The following ARVCF variants were observed in gnomAD, a reference collection of about 807,000 sequenced individuals.
ARVCF encodes the protein splicing regulator ARVCF.
Under a neutral mutation model 90.9 loss-of-function variants are expected in ARVCF, and 66 were observed. That is an observed-to-expected ratio of 0.73 (90% CI 0.60 to 0.89). The LOEUF is 0.89. Among genes scored for constraint, ARVCF ranks in the 40% least tolerant of loss-of-function variants. The pLI is 0.00. For missense variants in ARVCF, 1,469 were observed against 1,382.3 expected (o/e 1.06, Z -1.00); for synonymous variants, 653 against 603.4 (o/e 1.08, Z -1.21).
Position 19,979,919 on chromosome 22 carries a change from G to A in ARVCF, c.1220C>T (p.Ala407Val). 1 of 1,597,234 alleles carries A rather than the reference G, an allele frequency of 6.3e-7. No individual in the cohort carries two copies. Among genetic ancestry groups the A allele is most frequent in the Non-Finnish European group, 8.5e-7 (1 of 1,172,648 alleles). Residue 407 changes from alanine (A) to valine (V), a missense_variant, in exon 6 of 20, where the codon GCA becomes GTA. By Grantham distance (64) the Ala-to-Val change is moderately conservative (BLOSUM62 0). Coordinates refer to ENST00000263207, the MANE Select transcript of ARVCF (RefSeq NM_001670.3). ...CTCAGCCCGCGGGTGGTCCAGCAGT[G>A]CCACAAGCAGCGGCAGCCCCCGCAA... ...RQLRGLPLLV[A>V]LLDHPRAEVR...
intron 2 of ARVCF, among the ~76,000 whole-genome samples, chr22:20,006,246 T>C (rs1250251450): frequency 6.6e-6 from 1 of 152,208 alleles, no homozygotes; most frequent in Non-Finnish European, 1.5e-5. Flanking sequence ...TAAATTTTGT[T>C]ATGTGTATTC....
At chr22:19,972,273 C>T (rs1942854067) in intron 17 of ARVCF, 85 bp downstream of exon 17, 1 of 1,572,770 alleles carries the variant, frequency 6.4e-7, no homozygotes, top group African/African-American at 1.3e-5. Flanking sequence ...CCAGCACCAT[C>T]TACACCCCAT....
chr22:19,981,717 C>T lies in ARVCF; in HGVS notation c.390G>A (p.Thr130=), dbSNP rs1943514992. 1.9e-6 allele frequency: 3 copies of T among 1,574,126 alleles called. No individual in the cohort carries two copies. Among genetic ancestry groups the T allele is most frequent in the Non-Finnish European group, 2.6e-6 (3 of 1,158,204 alleles). The change falls in exon 5 of 20, where the codon ACG becomes ACA. Residue 130 remains threonine (T), a synonymous_variant. Transcript: ENST00000263207. ...CCTGGCGTACTGTCCGAGTGGTCAC[C>T]GTCTTGACAGTCTTGGTGACCTGGT... ...TETKVTKTVK[T]VTTRTVRQVP...
downstream of ARVCF, chr22:19,968,573 C>A (rs376273380): frequency 3.1e-6 from 5 of 1,613,980 alleles, no homozygotes; most frequent in Non-Finnish European, 4.2e-6. Context: ...GTGCTACTGG[C>A]TGACAACGTG....
Position 19,981,074 on chromosome 22 carries a change from C to T in ARVCF, c.896+137G>A, listed in dbSNP as rs9618723. ...GGGTCCACCTTTCTTCTGTCCCTGA[C>T]GAGAGCCAAGGCCAATTCAAACTAA... On this transcript the variant is annotated intron_variant, in intron 5 of 19. Coordinates refer to ENST00000263207, the MANE Select transcript of ARVCF (RefSeq NM_001670.3). 0.15 allele frequency: 184,547 copies of T among 1,191,182 alleles called. 15,439 individuals are homozygous for T. The highest frequency in any genetic ancestry group is 0.19 in the Middle Eastern group (659 of 3,380). 73.8% of individuals were successfully genotyped at this position (1,191,182 alleles called of 1,614,324 possible). A position where few individuals can be genotyped will look rare whatever the true frequency, so the allele number is the denominator to read the frequency against.
Position 19,981,333 on chromosome 22 carries a change from C to T in ARVCF, c.774G>A (p.Pro258=), listed in dbSNP as rs146350744. ...RSLPERFQAE[P]YGLEDDTRSL... is the part of the protein sequence containing the mutation. ...TGCGCGTGTCATCCTCCAAGCCATA[C>T]GGCTCTGCCTGGAAGCGCTCGGGCA... Residue 258 remains proline, a synonymous_variant, in exon 5 of 20, where the codon CCG becomes CCA. Coordinates refer to ENST00000263207, the MANE Select transcript of ARVCF (RefSeq NM_001670.3). 4.1e-4 allele frequency: 665 copies of T among 1,605,056 alleles called. No homozygotes were observed. In the African/African-American group the frequency reaches 4.9e-3, roughly 12 times the overall value.
At chr22:19,993,058 G>A (rs573124513) in intron 2 of ARVCF, among the ~76,000 whole-genome samples, 1 of 152,338 alleles carries the variant, frequency 6.6e-6, no homozygotes, top group Admixed American at 6.5e-5. Context: ...GTTGTGGGGA[G>A]AGTCTGGCAG....
At chr22:19,983,158 C>A (rs1943594113) in intron 3 of ARVCF, among the ~76,000 whole-genome samples, 1 of 152,258 alleles carries the variant, frequency 6.6e-6, no homozygotes. Flanking sequence ...CCAGGATGGG[C>A]AGGAGCTGAA....
At chr22:19,990,561 C>G (rs775475115) in intron 3 of ARVCF, 24 bp downstream of exon 3, 2 of 1,587,210 alleles carry the variant, frequency 1.3e-6, no homozygotes, top group Non-Finnish European at 8.6e-7. Flanking sequence ...AATTTTCACC[C>G]TTCCCAAGTC....
At chr22:19,982,401 G>C (rs531838568) in intron 3 of ARVCF, among the ~76,000 whole-genome samples, 1 of 152,108 alleles carries the variant, frequency 6.6e-6, no homozygotes, top group Non-Finnish European at 1.5e-5. Flanking sequence ...TAGACCCTGG[G>C]GGGTGAAGTC....
Position 19,979,800 on chromosome 22 carries a change from C to A in ARVCF, c.1339G>T (p.Ala447Ser). ...AAIRDCGGVPALVRLLRAARD... is the reference protein window; with the variant it reads ...AAIRDCGGVPSLVRLLRAARD... ...GCAGCCCTCAGCAGGCGCACCAGGG[C>A]AGGCACACCACCGCAGTCCCGGATG... is the stretch of plus-strand genomic sequence containing the variant. Residue 447 changes from alanine (A) to serine (S), a missense_variant, in exon 6 of 20, where the codon GCC becomes TCC. Ala to Ser is a moderately conservative substitution (Grantham distance 99). Transcript: ENST00000263207. 6.2e-7 allele frequency: 1 copy of A among 1,609,004 alleles called. No homozygotes were observed.
At chr22:19,968,869 CCT>C, downstream of ARVCF, 1 of 794,032 alleles carries the variant, frequency 1.3e-6, no homozygotes, top group South Asian at 1.5e-5. Flanking sequence ...AGGCCTGCGC[CCT>C]GACATGCTAA....
chr22:19,966,939 A>G, downstream of ARVCF: 1 of 985,300 alleles, frequency 1.0e-6, no homozygotes, highest in Non-Finnish European at 1.2e-6. Flanking sequence ...TCTCCACGGC[A>G]TTAGATTTTC....
At chr22:19,970,879 TG>T (rs1159263557) in intron 19 of ARVCF, 136 bp from the exon 20 acceptor site, 3 of 1,164,212 alleles carry the variant, frequency 2.6e-6, no homozygotes, top group African/African-American at 1.6e-5. Flanking sequence ...CTGGGTGGTG[TG>T]GGCTGACCCC....
In ARVCF at chr22:19,970,447, C is replaced by T; in HGVS notation, c.*309G>A. The T allele has an allele frequency of 9.2e-7, 1 of 1,091,738 alleles. No individual in the cohort carries two copies. Among genetic ancestry groups the T allele is most frequent in the South Asian group, 2.1e-5 (1 of 47,094 alleles). 67.6% of individuals were successfully genotyped at this position (1,091,738 alleles called of 1,614,324 possible). A position where few individuals can be genotyped will look rare whatever the true frequency, so the allele number is the denominator to read the frequency against. The stretch of plus-strand genomic sequence containing the variant: ...CAGCCCCAAAGCCCAGCCAGGCACC[C>T]TTCCCTGCCACCTCCCTGGGCCCTG... On this transcript the variant is annotated 3_prime_UTR_variant, in exon 20 of 20. Transcript: ENST00000263207.
rs910999769 is a variant in ARVCF at position 19,969,950 on chromosome 22, A to G, written c.*806T>C. On this transcript the variant is annotated 3_prime_UTR_variant, in exon 20 of 20. Transcript: ENST00000263207. Reference sequence around the variant, plus strand: ...CTTACAAAAATTTAGGTGTTTACCAATAGTCTTATTTTGGCTTATTTTTAA... The same window carrying G: ...CTTACAAAAATTTAGGTGTTTACCAGTAGTCTTATTTTGGCTTATTTTTAA... 4.1e-6 allele frequency: 4 copies of G among 985,456 alleles called. No individual in the cohort carries two copies. In the African/African-American group the frequency reaches 7.0e-5, roughly 17 times the overall value. The allele number at this position is 985,456 out of a possible 1,614,324, so 61.0% of individuals were successfully genotyped here.
downstream of ARVCF, among the ~76,000 whole-genome samples, chr22:19,966,584 G>A (rs1488653856): frequency 6.6e-6 from 1 of 151,062 alleles, no homozygotes; most frequent in African/African-American, 2.4e-5. Flanking sequence ...AGGACTAAAG[G>A]CATGCACCAC....
At chr22:19,992,805 G>T (rs1237205613) in intron 2 of ARVCF, among the ~76,000 whole-genome samples, 1 of 152,178 alleles carries the variant, frequency 6.6e-6, no homozygotes, top group Non-Finnish European at 1.5e-5. Context: ...GCAGGACCAG[G>T]CTTGGGCTGC....
chr22:19,989,035 C>A (rs1018506059), intron 3 of ARVCF, among the ~76,000 whole-genome samples: 1 of 152,144 alleles, frequency 6.6e-6, no homozygotes, highest in African/African-American at 2.4e-5. Context: ...GAGGACAGTT[C>A]CGGTCTGGGA....
Sources: gnomAD v4.1 joint callset for allele counts (sites outside exome capture counted in the v4.1 genomes callset) on GRCh38, gnomAD v4.1.1 for gene constraint, MANE v1.5 for transcripts, NCBI Gene and HGNC (gene_info 2026-07-23, HGNC 2026-07-21) for gene names.